IQGAP2: variants seen among roughly 807,000 people sequenced by gnomAD.
IQGAP2 encodes ras GTPase-activating-like protein IQGAP2.
A neutral mutation model predicts 201.3 loss-of-function variants in IQGAP2; 173 were observed. That is an observed-to-expected ratio of 0.86 (90% confidence interval 0.76 to 0.98). IQGAP2 has a LOEUF of 0.98. Among genes scored for constraint, IQGAP2 ranks in the 50% least tolerant of loss-of-function variants. The pLI is 0.00. For missense variants in IQGAP2, 1,687 were observed against 1,864.8 expected, an observed-to-expected ratio of 0.90 and a Z score of 1.76; for synonymous variants, 675 against 673.9, an observed-to-expected ratio of 1.00 and a Z score of -0.03.
chr5:76,513,650 C>T (rs761178354), intron 2 of IQGAP2, among the ~76,000 whole-genome samples: 4 of 152,062 alleles, frequency 2.6e-5, no homozygotes, highest in Non-Finnish European at 4.4e-5. Context: ...TACATGACAC[C>T]GTGGAAAAGG....
At chr5:76,441,388 G>A (rs577296470) in intron 1 of IQGAP2, 55 of 441,494 alleles carry the variant, frequency 1.2e-4, no homozygotes, top group African/African-American at 7.3e-4. Context: ...TTTACTTCCC[G>A]GAAGGAATCA....
chr5:76,405,636 G>A (rs1263666617), intron 1 of IQGAP2, among the ~76,000 whole-genome samples: 3 of 152,166 alleles, frequency 2.0e-5, no homozygotes, highest in Admixed American at 6.5e-5. Flanking sequence ...AGATTTTGGC[G>A]TTAATAGGCA....
chr5:76,658,563 G>A lies in IQGAP2; in HGVS notation c.2425G>A (p.Glu809Lys). Residue 809 changes from glutamate to lysine, a missense_variant, in exon 21 of 36, where the codon GAA (glutamate) becomes AAA (lysine). Physicochemically the swap from Glu to Lys is moderately conservative, Grantham distance 56 (BLOSUM62 1). Coordinates refer to ENST00000274364, the MANE Select transcript of IQGAP2 (RefSeq NM_006633.5). ...QEELEVARLR[E>K]EVVTKIRANQ... ...GGAACTAGAGGTTGCACGATTAAGG[G>A]AAGAAGTAGTGACCAAGATCAGGGC... is the stretch of plus-strand genomic sequence containing the variant. 1 of 1,614,108 alleles carries A rather than the reference G, an allele frequency of 6.2e-7. No homozygotes were observed. The highest frequency in any genetic ancestry group is 8.5e-7 in the Non-Finnish European group (1 of 1,179,996).
chr5:76,621,298 A>AG (rs1398071109), intron 13 of IQGAP2, among the ~76,000 whole-genome samples: 2 of 152,196 alleles, frequency 1.3e-5, no homozygotes, highest in Non-Finnish European at 2.9e-5. Flanking sequence ...CTAGTAACTG[A>AG]GGGGTATGGA....
chr5:76,465,886 C>T (rs1311868467), intron 2 of IQGAP2, among the ~76,000 whole-genome samples: 1 of 152,116 alleles, frequency 6.6e-6, no homozygotes, highest in Non-Finnish European at 1.5e-5. Context: ...TTTTAAAACT[C>T]TTAAATAGAC....
intron 2 of IQGAP2, among the ~76,000 whole-genome samples, chr5:76,522,141 CCTT>C (rs754226874): frequency 3.9e-4 from 60 of 152,038 alleles, no homozygotes; most frequent in Non-Finnish European, 7.5e-4. Flanking sequence ...TTGCTTTCTG[CCTT>C]CTTCTTTTAT....
At chr5:76,593,279 A>G (rs576954002) in intron 9 of IQGAP2, among the ~76,000 whole-genome samples, 1 of 152,294 alleles carries the variant, frequency 6.6e-6, no homozygotes, top group South Asian at 2.1e-4. Flanking sequence ...TTATGCGATG[A>G]TGTTCTATTG....
intron 2 of IQGAP2, among the ~76,000 whole-genome samples, chr5:76,517,243 C>G (rs1264984855): frequency 6.6e-6 from 1 of 152,108 alleles, no homozygotes; most frequent in Non-Finnish European, 1.5e-5. Context: ...TCATCAGATA[C>G]ATACGTGCAC....
chr5:76,590,572 A>G lies in IQGAP2; in HGVS notation c.805A>G (p.Asn269Asp). The change falls in exon 8 of 36, where the codon AAT becomes GAT. Residue 269 changes from asparagine (N) to aspartate (D), a missense_variant. Asn to Asp is a conservative substitution (Grantham distance 23, BLOSUM62 1). Coordinates refer to ENST00000274364, the MANE Select transcript of IQGAP2 (RefSeq NM_006633.5). The stretch of plus-strand genomic sequence containing the variant: ...GGATGCCAAAAAGAAAAAAGAGGAA[A>G]ATGCAAGACTGAAGGTGCTTAGATT... ...LWDAKKKKEE[N>D]ARLKNSCISE... The G allele has an allele frequency of 6.2e-7, 1 of 1,608,728 alleles. No individual in the cohort carries two copies. The highest frequency in any genetic ancestry group is 8.5e-7 in the Non-Finnish European group (1 of 1,178,270).
chr5:76,578,801 G>A (rs577000537), intron 5 of IQGAP2, among the ~76,000 whole-genome samples: 34 of 151,994 alleles, frequency 2.2e-4, no homozygotes, highest in African/African-American at 6.7e-4. Context: ...TGTATACTGC[G>A]TATGGCATGT....
chr5:76,452,565 T>C (rs1333383345), intron 1 of IQGAP2, among the ~76,000 whole-genome samples: 2 of 152,216 alleles, frequency 1.3e-5, no homozygotes, highest in African/African-American at 4.8e-5. Context: ...TTTTATACTT[T>C]CAAGATAGTA....
chr5:76,520,700 C>CTTTTTTT (rs5868829), intron 2 of IQGAP2, among the ~76,000 whole-genome samples: 5 of 109,210 alleles, frequency 4.6e-5, no homozygotes, highest in Admixed American at 1.1e-4. Flanking sequence ...GGTCTCTCCT[C>CTTTTTTT]TTTTTTTTTT....
chr5:76,451,774 C>A, intron 1 of IQGAP2, among the ~76,000 whole-genome samples: 1 of 152,222 alleles, frequency 6.6e-6, no homozygotes. Context: ...GTGGCTCACG[C>A]CTGTAATCTG....
intron 21 of IQGAP2, among the ~76,000 whole-genome samples, chr5:76,659,525 A>G (rs1173864479): frequency 2.0e-5 from 3 of 152,120 alleles, no homozygotes; most frequent in Admixed American, 6.6e-5. Context: ...CCCAATTTAC[A>G]TAGCAGTTGC....
chr5:76,472,914 A>G (rs13168171), intron 2 of IQGAP2, among the ~76,000 whole-genome samples: 77,101 of 152,030 alleles, frequency 0.51, 20,297 homozygotes, highest in Non-Finnish European at 0.55. Flanking sequence ...ATTATCACAC[A>G]AGTGTCTACT....
chr5:76,659,355 G>A (rs890936435), intron 21 of IQGAP2, among the ~76,000 whole-genome samples: 2 of 152,154 alleles, frequency 1.3e-5, no homozygotes, highest in African/African-American at 2.4e-5. Flanking sequence ...GTATATGCCT[G>A]ATGACACTGG....
chr5:76,553,974 G>A (rs192593241), intron 2 of IQGAP2, among the ~76,000 whole-genome samples: 5 of 152,284 alleles, frequency 3.3e-5, no homozygotes, highest in Middle Eastern at 3.4e-3. Context: ...TTGATTTTAT[G>A]TATGCACACT....
At chr5:76,588,046 A>G (rs1283265855) in intron 5 of IQGAP2, among the ~76,000 whole-genome samples, 2 of 152,094 alleles carry the variant, frequency 1.3e-5, no homozygotes, top group African/African-American at 2.4e-5. Flanking sequence ...TTGTTTTAAT[A>G]CCATTAAAAA....
chr5:76,505,408 G>A (rs1405867396), intron 2 of IQGAP2, among the ~76,000 whole-genome samples: 3 of 152,208 alleles, frequency 2.0e-5, no homozygotes, highest in Non-Finnish European at 4.4e-5. Context: ...GCTTCCTTGA[G>A]GGAGAGACAG....
Sources: allele counts gnomAD v4.1 joint callset (sites outside exome capture counted in the v4.1 genomes callset), GRCh38; gene constraint gnomAD v4.1.1; transcripts MANE v1.5; gene names NCBI Gene and HGNC (gene_info 2026-07-23, HGNC 2026-07-21).